C1orf141: variants seen among roughly 807,000 people sequenced by gnomAD.
C1orf141 encodes the protein chromosome 1 open reading frame 141, also known as uncharacterized protein C1orf141.
A neutral mutation model predicts 23.2 loss-of-function variants in C1orf141; 19 were observed. The observed-to-expected ratio is 0.82, with a 90% CI of 0.57 to 1.20. C1orf141 has a LOEUF of 1.20. Ranked by LOEUF, C1orf141 falls within the 50% of genes most tolerant of loss-of-function variation. C1orf141 has a pLI of 0.00. For missense variants in C1orf141, 469 were observed against 455.1 expected (o/e 1.03, Z -0.28); for synonymous variants, 153 against 154.6 (o/e 0.99, Z 0.08).
chr1:67,093,134 G>GCT lies in C1orf141; in HGVS notation c.1072_1073dup (p.Ser358ArgfsTer24), dbSNP rs757843551. 6.2e-7 allele frequency: 1 copy of GCT among 1,613,954 alleles called. No individual in the cohort carries two copies. The highest frequency in any genetic ancestry group is 2.2e-5 in the East Asian group (1 of 44,850). ...CAGGTAAGGCACTGGATGTGGGTAT[G>GCT]CTCGTTGGTTTTCCTGCAGAAAACA... is the stretch of plus-strand genomic sequence containing the variant. On this transcript the variant is annotated frameshift_variant, in exon 8 of 8. Coordinates refer to ENST00000684719, the MANE Select transcript of C1orf141 (RefSeq NM_001276351.2). LOFTEE classifies it low-confidence loss of function (END_TRUNC).
intron 1 of C1orf141, among the ~76,000 whole-genome samples, chr1:67,140,388 A>G (rs1008469073): frequency 6.6e-6 from 1 of 152,240 alleles, no homozygotes; most frequent in African/African-American, 2.4e-5. Flanking sequence ...AAACACCATA[A>G]TGAAAAAGAA....
Position 67,093,248 on chromosome 1 carries a change from A to C in C1orf141, c.960T>G (p.Asn320Lys), listed in dbSNP as rs868048935. Residue 320 changes from asparagine (N) to lysine (K), a missense_variant, in exon 8 of 8, where the codon AAT becomes AAG. This residue lies in a region of C1orf141 where 370 missense variants were observed against 348.1 expected (regional missense o/e 1.06). Transcript: ENST00000684719. The stretch of plus-strand genomic sequence containing the variant: ...CAAATTGTTTTGTTAGGCTAGAAAA[A>C]TTCTGTGAGAAATTATAGAGTGTAT... ...SWNTLYNFSQ[N>K]FSSLTKQFVG... The C allele has an allele frequency of 6.2e-7, 1 of 1,613,760 alleles. No homozygotes were observed. Among genetic ancestry groups the C allele is most frequent in the African/African-American group, 1.3e-5 (1 of 74,922 alleles).
chr1:67,116,827 A>C (rs1646203184), intron 4 of C1orf141, among the ~76,000 whole-genome samples: 1 of 151,914 alleles, frequency 6.6e-6, no homozygotes, highest in African/African-American at 2.4e-5. Context: ...CTACTCTTTC[A>C]TTTCAGTCTC....
chr1:67,115,937 C>T (rs1264233693), intron 4 of C1orf141, among the ~76,000 whole-genome samples: 2 of 152,140 alleles, frequency 1.3e-5, no homozygotes, highest in African/African-American at 2.4e-5. Context: ...AATAGTATTA[C>T]ATAATTGATA....
intron 4 of C1orf141, among the ~76,000 whole-genome samples, chr1:67,125,468 T>C (rs1570727506): frequency 6.6e-6 from 1 of 152,190 alleles, no homozygotes; most frequent in African/African-American, 2.4e-5. Context: ...GAAGCCTAGG[T>C]GGGTGGATCT....
chr1:67,116,302 C>T (rs577273226), intron 4 of C1orf141, among the ~76,000 whole-genome samples: 1 of 152,160 alleles, frequency 6.6e-6, no homozygotes, highest in African/African-American at 2.4e-5. Flanking sequence ...TTCTCTTTCT[C>T]TCTTTTTCCA....
chr1:67,117,893 A>G (rs1646227245), intron 4 of C1orf141, among the ~76,000 whole-genome samples: 2 of 152,210 alleles, frequency 1.3e-5, no homozygotes, highest in Admixed American at 1.3e-4. Context: ...CTCTATGTGA[A>G]CTTCCATAGA....
chr1:67,109,326 C>CAAAAAAAAAAAA lies in C1orf141; in HGVS notation c.346+6014_346+6025dup, dbSNP rs58157985. Among the ~76,000 whole-genome samples the CAAAAAAAAAAAA allele has an allele frequency of 3.0e-4, 25 of 83,426 alleles. 1 individual carries two copies. Among genetic ancestry groups the CAAAAAAAAAAAA allele is most frequent in the African/African-American group, 1.2e-3 (24 of 20,284 alleles). The allele number at this position is 83,426 out of a possible 152,430, so 54.7% of individuals were successfully genotyped here. On this transcript the variant is annotated intron_variant, in intron 5 of 7. Transcript: ENST00000684719. ...TGGGCGACAGAGCGAGACTCCGTCT[C>CAAAAAAAAAAAA]AAAAAAAAAAAAAAAAAAAAAAAAA...
At chr1:67,101,449 AGTGTGTGTGTGT>A (rs10688535) in intron 5 of C1orf141, among the ~76,000 whole-genome samples, 6 of 135,288 alleles carry the variant, frequency 4.4e-5, no homozygotes, top group Admixed American at 7.5e-5. Flanking sequence ...TGAATGTAAG[AGTGTGTGTGTGT>A]GTGTGTGTGT....
At chr1:67,118,875 T>G (rs534710022) in intron 4 of C1orf141, among the ~76,000 whole-genome samples, 3 of 152,332 alleles carry the variant, frequency 2.0e-5, no homozygotes, top group East Asian at 3.9e-4. Context: ...GCTGGAACTT[T>G]GATCTTGGAC....
chr1:67,100,154 A>T (rs1015420348), intron 5 of C1orf141, among the ~76,000 whole-genome samples: 3 of 152,132 alleles, frequency 2.0e-5, no homozygotes, highest in Non-Finnish European at 1.5e-5. Context: ...TTATTCTCAG[A>T]TCGTTTTCCC....
intron 1 of C1orf141, among the ~76,000 whole-genome samples, chr1:67,133,660 A>G (rs961593767): frequency 6.6e-6 from 1 of 152,166 alleles, no homozygotes. Context: ...TGGGGTTGTT[A>G]GGGTAGGCCT....
rs769195773 is a variant in C1orf141, at chr1:67,095,440, C to T, written c.417-19G>A. The T allele has an allele frequency of 1.4e-6, 2 of 1,426,322 alleles. No homozygotes were observed. Among genetic ancestry groups the T allele is most frequent in the East Asian group, 4.7e-5 (2 of 42,746 alleles). The allele number at this position is 1,426,322 out of a possible 1,614,324, so 88.4% of individuals were successfully genotyped here. A position where few individuals can be genotyped will look rare whatever the true frequency, so the allele number is the denominator to read the frequency against. On this transcript the variant is annotated intron_variant, in intron 6 of 7. Transcript: ENST00000684719. ...TTTTTTTCTGAAAATAAACACAGTT[C>T]AGGGTAGTGTTCATGGGGCTGATTA...
chr1:67,095,949 G>C (rs1265479385), intron 6 of C1orf141: 1 of 210,184 alleles, frequency 4.8e-6, no homozygotes, highest in Non-Finnish European at 9.4e-6. Context: ...AGAAAAATGA[G>C]AACTTTATCC....
chr1:67,095,428 A>G lies in C1orf141; in HGVS notation c.417-7T>C. 1.3e-6 allele frequency: 2 copies of G among 1,487,232 alleles called. No individual in the cohort carries two copies. Among genetic ancestry groups the G allele is most frequent in the Non-Finnish European group, 1.8e-6 (2 of 1,097,932 alleles). 92.1% of individuals were successfully genotyped at this position (1,487,232 alleles called of 1,614,324 possible). A position where few individuals can be genotyped will look rare whatever the true frequency, so the allele number is the denominator to read the frequency against. On this transcript the variant is annotated splice_polypyrimidine_tract_variant and splice_region_variant and intron_variant, in intron 6 of 7. Coordinates refer to ENST00000684719, the MANE Select transcript of C1orf141 (RefSeq NM_001276351.2). ...CATCTGTGGAGATTTTTTTCTGAAA[A>G]TAAACACAGTTCAGGGTAGTGTTCA...
upstream of C1orf141, among the ~76,000 whole-genome samples, chr1:67,135,665 A>G (rs552787544): frequency 6.6e-6 from 1 of 152,286 alleles, no homozygotes; most frequent in South Asian, 2.1e-4. Flanking sequence ...TTAGAGCCAT[A>G]ATCTAAAAAT....
intron 5 of C1orf141, among the ~76,000 whole-genome samples, chr1:67,107,805 G>C (rs10749769): frequency 3.3e-5 from 5 of 151,790 alleles, no homozygotes; most frequent in Non-Finnish European, 5.9e-5. Flanking sequence ...CAGGAGAATC[G>C]CTTGAACCCA....
chr1:67,101,823 A>G (rs1391410589), intron 5 of C1orf141, among the ~76,000 whole-genome samples: 2 of 152,136 alleles, frequency 1.3e-5, no homozygotes, highest in East Asian at 1.9e-4. Context: ...GAGGCTTAAG[A>G]ACTTTTCTAA....
In C1orf141 at chr1:67,096,423, G is replaced by A; in HGVS notation, c.347-102C>T. 3.1e-6 allele frequency: 2 copies of A among 638,380 alleles called. 1 individual carries two copies. The highest frequency in any genetic ancestry group is 4.0e-5 in the South Asian group (2 of 49,626). The allele number at this position is 638,380 out of a possible 1,614,324, so 39.5% of individuals were successfully genotyped here. ...TACAATTTAAAATAACATATGGAAA[G>A]TACCTAGTATAGTGCCTGGTCTGTA... On this transcript the variant is annotated intron_variant, in intron 5 of 7. Coordinates refer to ENST00000684719, the MANE Select transcript of C1orf141 (RefSeq NM_001276351.2).
Sources: gnomAD v4.1 joint callset for allele counts (sites outside exome capture counted in the v4.1 genomes callset) on GRCh38, gnomAD v4.1.1 for gene constraint, gnomAD v4.1.1 regional missense constraint, MANE v1.5 for transcripts, NCBI Gene and HGNC (gene_info 2026-07-23, HGNC 2026-07-21) for gene names.